PDE4B: variants seen among roughly 807,000 people sequenced by gnomAD.
PDE4B encodes the protein phosphodiesterase 4B, also known as 3',5'-cyclic-AMP phosphodiesterase 4B.
In PDE4B, 20 loss-of-function variants were observed where a neutral mutation model predicts 82.2. The ratio of observed to expected loss-of-function variants is 0.24; its 90% CI spans 0.17 to 0.35. The LOEUF (loss-of-function observed/expected upper bound fraction) is 0.35, where lower values mean the gene tolerates loss of function less well. PDE4B is among the 10% of genes least tolerant of loss of function. PDE4B has a pLI of 1.00. For synonymous variants in PDE4B, 320 were observed against 318.9 expected (o/e 1.00, Z -0.04); for missense variants, 655 against 907.2 (o/e 0.72, Z 3.57).
intron 7 of PDE4B, among the ~76,000 whole-genome samples, chr1:66,323,271 C>T (rs1229281921): frequency 6.6e-6 from 1 of 152,094 alleles, no homozygotes; most frequent in Admixed American, 6.6e-5. Context: ...GAATACTTTC[C>T]TCTCCCTTGA....
chr1:66,342,546 A>AT (rs1261021749), intron 8 of PDE4B, among the ~76,000 whole-genome samples: 1 of 145,506 alleles, frequency 6.9e-6, no homozygotes, highest in Non-Finnish European at 1.5e-5. Flanking sequence ...ACTGTCTCTA[A>AT]TTAAAAAAAA....
In PDE4B at chr1:66,047,806, A is replaced by C. The variant is rs533738698; in HGVS notation, c.281+128971A>C. On this transcript the variant is annotated intron_variant, in intron 3 of 16. Transcript: ENST00000341517. Reference sequence around the variant, plus strand: ...GGTATAAGTTCAGACCCTTTGAAGAAGCAGTTCATAAATGCAATTAAATAA... The same window carrying C: ...GGTATAAGTTCAGACCCTTTGAAGACGCAGTTCATAAATGCAATTAAATAA... Among the ~76,000 whole-genome samples the C allele has an allele frequency of 3.3e-5, 5 of 152,040 alleles. No homozygotes were observed. In the East Asian group the frequency reaches 9.7e-4, roughly 29 times the overall value.
At chr1:65,836,974 G>C (rs1480391935) in intron 1 of PDE4B, among the ~76,000 whole-genome samples, 1 of 152,032 alleles carries the variant, frequency 6.6e-6, no homozygotes, top group African/African-American at 2.4e-5. Flanking sequence ...TCAGGGAGAA[G>C]ACTTCCTTTT....
intron 3 of PDE4B, among the ~76,000 whole-genome samples, chr1:66,247,121 G>T (rs1653378006): frequency 1.3e-5 from 2 of 152,128 alleles, no homozygotes; most frequent in Non-Finnish European, 2.9e-5. Context: ...TCACCAAGTT[G>T]TTGTATGCCT....
chr1:66,080,626 G>A (rs550578526), intron 3 of PDE4B, among the ~76,000 whole-genome samples: 1 of 152,172 alleles, frequency 6.6e-6, no homozygotes, highest in East Asian at 1.9e-4. Context: ...AGGTGCTGAG[G>A]AGCCCCATCT....
chr1:65,840,063 G>T (rs1345303690), intron 1 of PDE4B, among the ~76,000 whole-genome samples: 1 of 152,100 alleles, frequency 6.6e-6, no homozygotes, highest in Non-Finnish European at 1.5e-5. Flanking sequence ...TGTGTAAATT[G>T]CACCACATGA....
intron 3 of PDE4B, among the ~76,000 whole-genome samples, chr1:66,128,548 C>A (rs1645869181): frequency 6.6e-6 from 1 of 152,158 alleles, no homozygotes; most frequent in East Asian, 1.9e-4. Context: ...ATATTTGTCA[C>A]CTTGAAGGCT....
intron 1 of PDE4B, among the ~76,000 whole-genome samples, chr1:65,896,504 G>A (rs1418121204): frequency 6.6e-6 from 1 of 152,132 alleles, no homozygotes; most frequent in African/African-American, 2.4e-5. Context: ...CACAGTCTGT[G>A]TAATGACAGT....
chr1:66,164,559 A>AAAAAAAAAAAG (rs1646684798), intron 3 of PDE4B, among the ~76,000 whole-genome samples: 2 of 125,076 alleles, frequency 1.6e-5, no homozygotes, highest in Non-Finnish European at 3.5e-5. Context: ...AAAAAAAAAA[A>AAAAAAAAAAAG]AAAGAAAGAA....
intron 7 of PDE4B, among the ~76,000 whole-genome samples, chr1:66,288,383 C>G (rs1656835452): frequency 6.6e-6 from 1 of 152,084 alleles, no homozygotes; most frequent in African/African-American, 2.4e-5. Context: ...TACATTCCAA[C>G]CTGAGAGTTA....
intron 8 of PDE4B, among the ~76,000 whole-genome samples, chr1:66,352,581 A>G (rs909266355): frequency 3.9e-5 from 6 of 152,192 alleles, no homozygotes; most frequent in African/African-American, 9.7e-5. Flanking sequence ...AGAGTTGCCG[A>G]TATAGCTAGT....
At chr1:65,809,975 A>G (rs1404362871) in intron 1 of PDE4B, among the ~76,000 whole-genome samples, 1 of 152,254 alleles carries the variant, frequency 6.6e-6, no homozygotes, top group Non-Finnish European at 1.5e-5. Flanking sequence ...TTGTAGTTCA[A>G]GAATTGAATT....
At chr1:66,004,119 G>A (rs1652019828) in intron 3 of PDE4B, among the ~76,000 whole-genome samples, 1 of 152,252 alleles carries the variant, frequency 6.6e-6, no homozygotes, top group Admixed American at 6.5e-5. Context: ...AACTCTACTT[G>A]TATTTCATTA....
chr1:65,915,997 A>C (rs1389174520), intron 2 of PDE4B, among the ~76,000 whole-genome samples: 2 of 152,186 alleles, frequency 1.3e-5, no homozygotes, highest in Non-Finnish European at 2.9e-5. Flanking sequence ...CAAATCAGTA[A>C]TTGAGAATTG....
intron 3 of PDE4B, chr1:66,112,632 G>A (rs1055346368): frequency 6.6e-6 from 1 of 152,192 alleles, no homozygotes; most frequent in African/African-American, 2.4e-5. Context: ...GATGCTGCCT[G>A]ACTGTTACAC....
At chr1:65,845,474 G>A (rs942141582) in intron 1 of PDE4B, among the ~76,000 whole-genome samples, 1 of 152,118 alleles carries the variant, frequency 6.6e-6, no homozygotes, top group Admixed American at 6.6e-5. Flanking sequence ...TCTACAGCAT[G>A]GGCTGGAGTT....
At chr1:66,104,827 T>G (rs1203560981) in intron 3 of PDE4B, among the ~76,000 whole-genome samples, 6 of 148,782 alleles carry the variant, frequency 4.0e-5, no homozygotes, top group Admixed American at 6.7e-5. Flanking sequence ...TCATTGTAGA[T>G]TCTGGATATT....
intron 3 of PDE4B, among the ~76,000 whole-genome samples, chr1:66,177,053 C>T (rs142310011): frequency 5.3e-5 from 8 of 152,214 alleles, no homozygotes; most frequent in African/African-American, 1.2e-4. Context: ...CATGAGGTCC[C>T]GAGGAGAGCT....
chr1:65,919,793 A>C (rs1287147328), intron 3 of PDE4B, among the ~76,000 whole-genome samples: 1 of 152,164 alleles, frequency 6.6e-6, no homozygotes, highest in Non-Finnish European at 1.5e-5. Context: ...TGAGTAGCCC[A>C]GTATGTGCTC....
Sources: allele counts gnomAD v4.1 joint callset (sites outside exome capture counted in the v4.1 genomes callset), GRCh38; gene constraint gnomAD v4.1.1; transcripts MANE v1.5; gene names NCBI Gene and HGNC (gene_info 2026-07-23, HGNC 2026-07-21).